The following CELF2 variants were observed in gnomAD, a reference collection of about 807,000 sequenced individuals.
The protein encoded by CELF2 is CUGBP Elav-like family member 2.
Under a neutral mutation model 62.6 loss-of-function variants are expected in CELF2, and 8 were observed. The observed-to-expected ratio is 0.13, with a 90% CI of 0.07 to 0.23. The LOEUF (loss-of-function observed/expected upper bound fraction) is 0.23. Ranked by LOEUF, CELF2 falls within the 10% of genes least tolerant of loss-of-function variation. The probability of loss-of-function intolerance (pLI) is 1.00; values close to 1 mark genes in which losing one functional copy is unlikely to be tolerated. For missense variants in CELF2, 333 were observed against 671.0 expected (o/e 0.50, Z 5.56); for synonymous variants, 258 against 250.0 (o/e 1.03, Z -0.30).
At chr10:11,162,215 T>C (rs752186132) in intron 1 of CELF2, among the ~76,000 whole-genome samples, 4 of 151,388 alleles carry the variant, frequency 2.6e-5, no homozygotes, top group Non-Finnish European at 4.4e-5. Flanking sequence ...AGGAGAGTGG[T>C]CGATGGGACA....
chr10:10,574,536 A>T, the CELF2 span, among the ~76,000 whole-genome samples: 6 of 152,350 alleles, frequency 3.9e-5, no homozygotes, highest in African/African-American at 1.4e-4. Context: ...AAGAGGTTTA[A>T]CAACAGTTCC....
At chr10:10,743,220 T>G in the CELF2 span, among the ~76,000 whole-genome samples, 1 of 152,226 alleles carries the variant, frequency 6.6e-6, no homozygotes, top group African/African-American at 2.4e-5. Context: ...CATACATGGA[T>G]GCTCACTATG....
chr10:10,590,814 C>T, the CELF2 span, among the ~76,000 whole-genome samples: 1 of 152,186 alleles, frequency 6.6e-6, no homozygotes, highest in African/African-American at 2.4e-5. Flanking sequence ...AAAATCTAGG[C>T]TCTGGGCATT....
chr10:10,623,524 T>C, the CELF2 span, among the ~76,000 whole-genome samples: 1 of 152,184 alleles, frequency 6.6e-6, no homozygotes, highest in Non-Finnish European at 1.5e-5. Context: ...TTTTCCCTGG[T>C]TACAGCAGTC....
chr10:11,119,828 G>A (rs985911425), intron 1 of CELF2, among the ~76,000 whole-genome samples: 1 of 150,082 alleles, frequency 6.7e-6, no homozygotes, highest in Non-Finnish European at 1.5e-5. Context: ...CAAATCCTAA[G>A]GGCACTGTTT....
intron 1 of CELF2, among the ~76,000 whole-genome samples, chr10:10,823,757 T>G (rs2057160862): frequency 6.6e-6 from 1 of 152,234 alleles, no homozygotes; most frequent in Non-Finnish European, 1.5e-5. Context: ...TCTAAACATT[T>G]GACATCTATG....
chr10:10,500,554 CT>C, the CELF2 span, among the ~76,000 whole-genome samples: 2 of 152,124 alleles, frequency 1.3e-5, no homozygotes, highest in Non-Finnish European at 2.9e-5. Flanking sequence ...TAAGACATGC[CT>C]TTTGCCTTCC....
At chr10:10,849,920 A>G (rs2059275201) in intron 1 of CELF2, among the ~76,000 whole-genome samples, 1 of 152,042 alleles carries the variant, frequency 6.6e-6, no homozygotes, top group South Asian at 2.1e-4. Context: ...AGGCAGGCAG[A>G]TCACAAGGTC....
At chr10:10,621,243 CAAA>C in the CELF2 span, among the ~76,000 whole-genome samples, 3 of 45,344 alleles carry the variant, frequency 6.6e-5, no homozygotes, top group Admixed American at 2.3e-4. Flanking sequence ...GACTCTGACT[CAAA>C]AAAAAAAAAA....
chr10:11,128,965 A>G (rs957262366), intron 1 of CELF2, among the ~76,000 whole-genome samples: 3 of 152,202 alleles, frequency 2.0e-5, no homozygotes, highest in Non-Finnish European at 2.9e-5. Context: ...CAGTTTTCAA[A>G]GGGAATGCTT....
intron 2 of CELF2, among the ~76,000 whole-genome samples, chr10:10,986,710 G>A (rs2052795954): frequency 6.6e-6 from 1 of 152,122 alleles, no homozygotes; most frequent in Non-Finnish European, 1.5e-5. Flanking sequence ...AGTGATGATG[G>A]CACAACTGTA....
the CELF2 span, among the ~76,000 whole-genome samples, chr10:10,503,633 G>C: frequency 6.6e-6 from 1 of 151,878 alleles, no homozygotes; most frequent in East Asian, 1.9e-4. Flanking sequence ...ATTATGGATA[G>C]TATATCATTG....
At position 11,318,581 on chromosome 10, in the gene CELF2, G is replaced by T; in HGVS notation, c.1097-2608G>T. 2.7e-6 allele frequency: 1 copy of T among 371,880 alleles called. No individual in the cohort carries two copies. The highest frequency in any genetic ancestry group is 5.4e-6 in the Non-Finnish European group (1 of 184,418). 23.0% of individuals were successfully genotyped at this position (371,880 alleles called of 1,614,324 possible). A position where few individuals can be genotyped will look rare whatever the true frequency, so the allele number is the denominator to read the frequency against. ...CTGTGAAGTGGAGCCAGGAGAGAAG[G>T]ATGTGGCTGGAATGTCACTGGCTGG... is the stretch of plus-strand genomic sequence containing the variant. On this transcript the variant is annotated intron_variant, in intron 10 of 12. Coordinates refer to ENST00000633077, the MANE Select transcript of CELF2 (RefSeq NM_001326342.2). This position sits in a 1 kb window ranked among gnomAD's most constrained non-coding sequence, Gnocchi z 5.4.
chr10:10,759,882 T>C, the CELF2 span, among the ~76,000 whole-genome samples: 219 of 152,314 alleles, frequency 1.4e-3, no homozygotes, highest in African/African-American at 5.2e-3. Flanking sequence ...GAAATAGTAG[T>C]TAAAATAGCC....
chr10:10,720,727 G>A, the CELF2 span, among the ~76,000 whole-genome samples: 1 of 152,146 alleles, frequency 6.6e-6, no homozygotes, highest in Admixed American at 6.5e-5. Flanking sequence ...AGCAACCCTC[G>A]TTAATCACGA....
the CELF2 span, among the ~76,000 whole-genome samples, chr10:10,543,818 A>G: frequency 6.6e-6 from 1 of 152,152 alleles, no homozygotes; most frequent in Non-Finnish European, 1.5e-5. Context: ...CCCGCTTCAG[A>G]GGGTCCTACA....
chr10:10,675,201 T>C, the CELF2 span, among the ~76,000 whole-genome samples: 9 of 152,198 alleles, frequency 5.9e-5, no homozygotes, highest in Non-Finnish European at 1.0e-4. Context: ...CAATTTTTAT[T>C]TTTCTAAGAA....
rs572788164 is a variant in CELF2, at chr10:10,968,756, T to G, written c.89+48757T>G. 5.9e-5 allele frequency among the ~76,000 whole-genome samples: 9 copies of G among 152,184 alleles called. No individual in the cohort carries two copies. In the South Asian group the frequency reaches 1.9e-3, roughly 32 times the overall value. The stretch of plus-strand genomic sequence containing the variant: ...GAAAAAAAAAAACATTCATTTATCG[T>G]GGTGGGACCATTGCTTCATGCTCAA... On this transcript the variant is annotated intron_variant, in intron 2 of 13. Coordinates refer to the CELF2 transcript ENST00000636488.
In CELF2 at chr10:11,177,271, C is replaced by T. The variant is rs1039366107; in HGVS notation, c.271+11589C>T. 6.6e-6 allele frequency among the ~76,000 whole-genome samples: 1 copy of T among 152,008 alleles called. No homozygotes were observed. The highest frequency in any genetic ancestry group is 2.4e-5 in the African/African-American group (1 of 41,374). On this transcript the variant is annotated intron_variant, in intron 2 of 12. Transcript: ENST00000633077. This position sits in a 1 kb window ranked among gnomAD's most constrained non-coding sequence, Gnocchi z 4.8. ...ATTAATAGCAATTCTGAGTAAGTTCCTTCTCATGTAGTTAATGCAGCATGA... is the reference window on the plus strand; with the variant it reads ...ATTAATAGCAATTCTGAGTAAGTTCTTTCTCATGTAGTTAATGCAGCATGA...
Sources: allele counts gnomAD v4.1 joint callset (sites outside exome capture counted in the v4.1 genomes callset), GRCh38; gene constraint gnomAD v4.1.1; non-coding constraint Gnocchi (gnomAD v3.1); transcripts MANE v1.5; gene names NCBI Gene and HGNC (gene_info 2026-07-23, HGNC 2026-07-21).